LRRC7: variants seen among roughly 807,000 people sequenced by gnomAD.
The protein encoded by LRRC7 is leucine-rich repeat-containing protein 7.
A neutral mutation model predicts 175.7 loss-of-function variants in LRRC7; 23 were observed. That is an observed-to-expected ratio of 0.13 (90% CI 0.09 to 0.19). The LOEUF is 0.19. LRRC7 is among the 10% of genes least tolerant of loss of function. The pLI is 1.00. For synonymous variants in LRRC7, 685 were observed against 680.9 expected (o/e 1.01, Z -0.09); for missense variants, 1,354 against 1,904.7 (o/e 0.71, Z 5.38).
chr1:70,040,867 C>A (rs558621826), intron 21 of LRRC7, among the ~76,000 whole-genome samples: 1 of 152,022 alleles, frequency 6.6e-6, no homozygotes, highest in Non-Finnish European at 1.5e-5. Context: ...ATGCAGGGAT[C>A]AGGGACAGAA....
At chr1:69,688,322 T>C (rs536259899) in intron 2 of LRRC7, among the ~76,000 whole-genome samples, 2 of 152,308 alleles carry the variant, frequency 1.3e-5, no homozygotes, top group Admixed American at 6.5e-5. Context: ...CAGATACTTG[T>C]GTTCTTTATC....
At chr1:69,582,026 G>T (rs1646221460) in intron 1 of LRRC7, among the ~76,000 whole-genome samples, 1 of 152,102 alleles carries the variant, frequency 6.6e-6, no homozygotes. Flanking sequence ...ACACCCATTT[G>T]CAATTTGTCC....
At chr1:69,798,204 G>A (rs911941457) in intron 4 of LRRC7, among the ~76,000 whole-genome samples, 8 of 152,152 alleles carry the variant, frequency 5.3e-5, no homozygotes, top group Non-Finnish European at 1.0e-4. Flanking sequence ...ACAGGCATGA[G>A]CCACCGCGCC....
intron 21 of LRRC7, among the ~76,000 whole-genome samples, chr1:70,042,286 C>G (rs1246883339): frequency 1.3e-5 from 2 of 152,166 alleles, no homozygotes; most frequent in Non-Finnish European, 2.9e-5. Context: ...AAACCAGTTT[C>G]GACATAGCTG....
At chr1:69,956,072 A>C (rs1650455955) in intron 8 of LRRC7, among the ~76,000 whole-genome samples, 1 of 151,984 alleles carries the variant, frequency 6.6e-6, no homozygotes, top group Non-Finnish European at 1.5e-5. Context: ...CTTAAAGAGC[A>C]GTTGTGGAAT....
chr1:69,911,068 G>A (rs1298148311), intron 7 of LRRC7, among the ~76,000 whole-genome samples: 1 of 152,204 alleles, frequency 6.6e-6, no homozygotes, highest in Non-Finnish European at 1.5e-5. Context: ...GTATTAGGGT[G>A]GGAGTGACCT....
At position 69,611,459 on chromosome 1, in the gene LRRC7, G is replaced by A. The variant is rs960463825; in HGVS notation, c.2+42818G>A. ...AGGAAATACTGAATTAGTGAGTACC[G>A]AGTCATTGCTCTTAGAGGAAATACA... On this transcript the variant is annotated intron_variant, in intron 1 of 26. Transcript: ENST00000651989. Among the ~76,000 whole-genome samples the A allele has an allele frequency of 8.6e-5, 13 of 151,958 alleles. No individual in the cohort carries two copies. In the East Asian group the frequency reaches 1.2e-3, roughly 14 times the overall value.
chr1:69,830,025 A>G (rs970425405), intron 5 of LRRC7, among the ~76,000 whole-genome samples: 1 of 151,844 alleles, frequency 6.6e-6, no homozygotes, highest in African/African-American at 2.4e-5. Context: ...TTAAACTTTT[A>G]GATACATTAT....
Position 69,938,326 on chromosome 1 carries a change from T to TA in LRRC7, c.711+6763dup, listed in dbSNP as rs552899759. 2.6e-5 allele frequency among the ~76,000 whole-genome samples: 4 copies of TA among 152,026 alleles called. No homozygotes were observed. The East Asian group carries it at 7.7e-4, about 29-fold the overall frequency. On this transcript the variant is annotated intron_variant, in intron 8 of 26. Coordinates refer to ENST00000651989, the MANE Select transcript of LRRC7 (RefSeq NM_001370785.2). ...ATAAAACTGCTTTATAGAAAAGCTT[T>TA]AAAAAAATTCTGCACTCTACAAATC...
At chr1:69,985,968 G>A (rs1653901522) in intron 9 of LRRC7, among the ~76,000 whole-genome samples, 1 of 152,044 alleles carries the variant, frequency 6.6e-6, no homozygotes, top group African/African-American at 2.4e-5. Context: ...GTGTACATAT[G>A]TTTTTATTCT....
At chr1:69,599,625 C>T (rs1646973932) in intron 1 of LRRC7, among the ~76,000 whole-genome samples, 1 of 152,122 alleles carries the variant, frequency 6.6e-6, no homozygotes, top group Non-Finnish European at 1.5e-5. Flanking sequence ...GAAGTTGAAG[C>T]TTGGGTTATA....
At chr1:70,076,441 T>C in intron 24 of LRRC7, 143 bp downstream of exon 24, 4 of 696,014 alleles carry the variant, frequency 5.7e-6, no homozygotes, top group South Asian at 1.9e-5. Flanking sequence ...TGTGGGGATT[T>C]TATCATTCTT....
intron 2 of LRRC7, among the ~76,000 whole-genome samples, chr1:69,710,329 C>T (rs564871107): frequency 5.5e-4 from 82 of 149,908 alleles, no homozygotes; most frequent in African/African-American, 1.8e-3. Flanking sequence ...AGACAGGTTA[C>T]CCAGAGCAGA....
intron 25 of LRRC7, among the ~76,000 whole-genome samples, chr1:70,104,586 A>T (rs545340006): frequency 6.6e-6 from 1 of 152,272 alleles, no homozygotes; most frequent in South Asian, 2.1e-4. Flanking sequence ...CCATTTTTTT[A>T]GTTAATGAAG....
At chr1:69,848,914 G>T (rs1324465957) in intron 7 of LRRC7, among the ~76,000 whole-genome samples, 1 of 151,784 alleles carries the variant, frequency 6.6e-6, no homozygotes, top group Non-Finnish European at 1.5e-5. Flanking sequence ...GTTATAGTTT[G>T]TCCTTTCATG....
In LRRC7 at chr1:70,038,984, C is replaced by A. The variant is rs1428457255; in HGVS notation, c.3160C>A (p.Pro1054Thr). The A allele has an allele frequency of 2.5e-6, 4 of 1,613,736 alleles. No homozygotes were observed. Among genetic ancestry groups the A allele is most frequent in the Non-Finnish European group, 3.4e-6 (4 of 1,179,950 alleles). Residue 1054 changes from proline (P) to threonine (T), a missense_variant, in exon 21 of 27, where the codon CCA (proline) becomes ACA (threonine). This residue lies in a region of LRRC7 where 1,032 missense variants were observed against 1,227.2 expected (regional missense o/e 0.84). Coordinates refer to ENST00000651989, the MANE Select transcript of LRRC7 (RefSeq NM_001370785.2). ...EMLTYGSSKG[P>T]QQQKASMTKK... The stretch of plus-strand genomic sequence containing the variant: ...GCTCACCTACGGAAGTAGTAAGGGG[C>A]CACAACAACAAAAAGCTTCTATGAC...
chr1:69,646,874 T>C (rs1277012156), intron 1 of LRRC7, among the ~76,000 whole-genome samples: 1 of 152,036 alleles, frequency 6.6e-6, no homozygotes, highest in Non-Finnish European at 1.5e-5. Flanking sequence ...TCTTAAGAGG[T>C]TTCACTGGCT....
intron 24 of LRRC7, 45 bp downstream of exon 24, chr1:70,076,343 A>T: frequency 6.4e-7 from 1 of 1,572,468 alleles, no homozygotes; most frequent in Non-Finnish European, 8.7e-7. Flanking sequence ...AGGTAAGAAA[A>T]GTCCAAAGAA....
At position 70,126,772 on chromosome 1, in the gene LRRC7, T is replaced by C. The variant is rs1369322911; in HGVS notation, c.*4885T>C. Among the ~76,000 whole-genome samples the C allele has an allele frequency of 6.6e-6, 1 of 152,238 alleles. No individual in the cohort carries two copies. Among genetic ancestry groups the C allele is most frequent in the East Asian group, 1.9e-4 (1 of 5,196 alleles). Reference sequence around the variant, plus strand: ...TGTTCAGGAAATCTATTTTCCAAGATGCACCACTTGTACAAACTAAGGTAG... The same window carrying C: ...TGTTCAGGAAATCTATTTTCCAAGACGCACCACTTGTACAAACTAAGGTAG... On this transcript the variant is annotated 3_prime_UTR_variant, in exon 27 of 27. Coordinates refer to ENST00000651989, the MANE Select transcript of LRRC7 (RefSeq NM_001370785.2).
Sources: gnomAD v4.1 joint callset for allele counts (sites outside exome capture counted in the v4.1 genomes callset) on GRCh38, gnomAD v4.1.1 for gene constraint, gnomAD v4.1.1 regional missense constraint, MANE v1.5 for transcripts, NCBI Gene and HGNC (gene_info 2026-07-23, HGNC 2026-07-21) for gene names.